Variants in ZBTB38 observed in about 807,000 individuals in gnomAD.
ZBTB38 encodes zinc finger and BTB domain-containing protein 38.
A neutral mutation model predicts 76.8 loss-of-function variants in ZBTB38; 20 were observed. That is an observed-to-expected ratio of 0.26 (90% confidence interval 0.18 to 0.38). ZBTB38 has a LOEUF of 0.38. ZBTB38 is among the 10% of genes least tolerant of loss of function. The pLI, the probability that ZBTB38 is intolerant of heterozygous loss-of-function variation, is 1.00. For missense variants in ZBTB38, 1,082 were observed against 1,482.3 expected, an observed-to-expected ratio of 0.73 and a Z score of 4.43; for synonymous variants, 504 against 544.2, an observed-to-expected ratio of 0.93 and a Z score of 1.03.
At chr3:141,367,195 G>C (rs1944001761), upstream of ZBTB38, 1 of 152,296 alleles carries the variant, frequency 6.6e-6, no homozygotes. Flanking sequence ...CAGATGGACT[G>C]ACCCTCCCAC....
At chr3:141,416,123 AC>A (rs199671140) in intron 5 of ZBTB38, among the ~76,000 whole-genome samples, 2 of 152,282 alleles carry the variant, frequency 1.3e-5, no homozygotes, top group East Asian at 1.9e-4. Context: ...AACGGGAAAG[AC>A]AGAAATAATT....
At position 141,404,001 on chromosome 3, in the gene ZBTB38, A is replaced by C. The variant is rs997033754; in HGVS notation, c.-31A>C. ...ATTTCTTCCAAAGCACAGGAATCTCACTCTGTTAAAGCTGGTCTGTTCTAA... is the reference window on the plus strand; with the variant it reads ...ATTTCTTCCAAAGCACAGGAATCTCCCTCTGTTAAAGCTGGTCTGTTCTAA... On this transcript the variant is annotated 5_prime_UTR_variant, in exon 5 of 6. Transcript: ENST00000321464. The C allele has an allele frequency of 6.6e-5, 10 of 152,054 alleles. No individual in the cohort carries two copies. Among genetic ancestry groups the C allele is most frequent in the African/African-American group, 2.4e-4 (10 of 41,382 alleles). The allele number at this position is 152,054 out of a possible 1,614,324, so 9.4% of individuals were successfully genotyped here. A position where few individuals can be genotyped will look rare whatever the true frequency, so the allele number is the denominator to read the frequency against.
chr3:141,406,799 T>C (rs879478285), intron 5 of ZBTB38, among the ~76,000 whole-genome samples: 3 of 152,086 alleles, frequency 2.0e-5, no homozygotes, highest in Admixed American at 2.0e-4. Flanking sequence ...GGGTTCCTAA[T>C]GGAGGGAGCC....
At chr3:141,325,606 C>T (rs1942649630) in intron 1 of ZBTB38, among the ~76,000 whole-genome samples, 3 of 152,092 alleles carry the variant, frequency 2.0e-5, no homozygotes, top group Admixed American at 2.0e-4. Context: ...TAAAATGTAA[C>T]CTAGGAGAAA....
rs997444139 is a variant in ZBTB38, at chr3:141,413,152, T to C, written c.-1+9121T>C. Among the ~76,000 whole-genome samples the C allele has an allele frequency of 8.5e-5, 13 of 152,192 alleles. No individual in the cohort carries two copies. The highest frequency in any genetic ancestry group is 3.1e-4 in the African/African-American group (13 of 41,456). On this transcript the variant is annotated intron_variant, in intron 5 of 5. Transcript: ENST00000321464. This position sits in a 1 kb window ranked among gnomAD's most constrained non-coding sequence, Gnocchi z 4.1. ...AAGTGTGTACGTGGACTTAAATAAA[T>C]ATCTGAGGGCCCAGGCCCATACAGA... is the stretch of plus-strand genomic sequence containing the variant.
intron 1 of ZBTB38, among the ~76,000 whole-genome samples, chr3:141,338,322 G>A (rs188787826): frequency 4.5e-4 from 69 of 152,220 alleles, no homozygotes; most frequent in African/African-American, 1.5e-3. Context: ...AATATAAATC[G>A]TTCTGCTGTA....
chr3:141,329,372 A>G (rs1244581286), intron 1 of ZBTB38, among the ~76,000 whole-genome samples: 1 of 152,134 alleles, frequency 6.6e-6, no homozygotes, highest in African/African-American at 2.4e-5. Flanking sequence ...ATCCCTTCCC[A>G]CATCCTTCTC....
At chr3:141,338,882 G>T (rs775922838) in intron 1 of ZBTB38, among the ~76,000 whole-genome samples, 1 of 152,134 alleles carries the variant, frequency 6.6e-6, no homozygotes, top group Admixed American at 6.5e-5. Flanking sequence ...ACATTCTAGT[G>T]GGGGACAGAA....
Position 141,445,343 on chromosome 3 carries a change from A to T in ZBTB38, c.2955A>T (p.Glu985Asp). The T allele has an allele frequency of 1.2e-6, 2 of 1,614,022 alleles. No individual in the cohort carries two copies. Among genetic ancestry groups the T allele is most frequent in the Non-Finnish European group, 1.7e-6 (2 of 1,180,018 alleles). ...ETKEMPKLQC[E>D]LCDGDKAVGA... ...AAGAGATGCCCAAGCTGCAGTGTGA[A>T]CTCTGTGATGGAGACAAAGCAGTGG... is the stretch of plus-strand genomic sequence containing the variant. Residue 985 changes from glutamate to aspartate, a missense_variant, in exon 6 of 6, where the codon GAA becomes GAT. By Grantham distance (45) the Glu-to-Asp change is conservative (BLOSUM62 2). Transcript: ENST00000321464. The surrounding 1 kb of genome is among the most constrained non-coding windows in gnomAD (Gnocchi z 6.5).
At chr3:141,384,487 A>C (rs1465290679) in intron 3 of ZBTB38, among the ~76,000 whole-genome samples, 1 of 152,270 alleles carries the variant, frequency 6.6e-6, no homozygotes, top group Non-Finnish European at 1.5e-5. Flanking sequence ...TCTAGCTTTC[A>C]AACGTCATTG....
chr3:141,390,738 T>C (rs1948612451), intron 4 of ZBTB38, among the ~76,000 whole-genome samples: 1 of 152,220 alleles, frequency 6.6e-6, no homozygotes, highest in African/African-American at 2.4e-5. Context: ...AACACATTTA[T>C]TGAGCATCTG....
chr3:141,332,140 C>CT (rs1280776811), intron 1 of ZBTB38, among the ~76,000 whole-genome samples: 2 of 152,124 alleles, frequency 1.3e-5, no homozygotes, highest in African/African-American at 4.8e-5. Context: ...CATCCTAATA[C>CT]TTTTTTCCTA....
chr3:141,408,776 C>T (rs1278266263), intron 5 of ZBTB38, among the ~76,000 whole-genome samples: 1 of 152,164 alleles, frequency 6.6e-6, no homozygotes, highest in African/African-American at 2.4e-5. Context: ...TATATTGAGT[C>T]ATTTTAAAAC....
intron 2 of ZBTB38, among the ~76,000 whole-genome samples, chr3:141,372,718 G>A (rs973419666): frequency 6.6e-6 from 1 of 152,036 alleles, no homozygotes; most frequent in African/African-American, 2.4e-5. Flanking sequence ...GCAGTTGAAG[G>A]AATAAGTTAA....
chr3:141,362,002 C>G (rs763301587), intron 1 of ZBTB38, among the ~76,000 whole-genome samples: 1 of 152,076 alleles, frequency 6.6e-6, no homozygotes, highest in African/African-American at 2.4e-5. Flanking sequence ...AAAATCGAAA[C>G]GAAAGTGTTA....
intron 5 of ZBTB38, among the ~76,000 whole-genome samples, chr3:141,415,139 A>C (rs1408052137): frequency 6.6e-6 from 1 of 151,712 alleles, no homozygotes; most frequent in African/African-American, 2.4e-5. Flanking sequence ...CTCCATTTAA[A>C]CCACATCTTC....
chr3:141,370,987 G>A lies in ZBTB38; in HGVS notation c.-235+1041G>A, dbSNP rs531448856. 6.0e-5 allele frequency among the ~76,000 whole-genome samples: 9 copies of A among 150,940 alleles called. No homozygotes were observed. The East Asian group carries it at 7.7e-4, about 13-fold the overall frequency. ...ACATTTGATCAGGGTGAAAATTCCC[G>A]AAGGTTAGACCTTTAAACCAAGTTA... On this transcript the variant is annotated intron_variant, in intron 2 of 5. Transcript: ENST00000321464.
chr3:141,345,269 T>A (rs1943316029), intron 1 of ZBTB38, among the ~76,000 whole-genome samples: 1 of 138,370 alleles, frequency 7.2e-6, no homozygotes, highest in South Asian at 2.2e-4. Flanking sequence ...ATGGCAGAAC[T>A]TTTTTTTTTT....
chr3:141,448,368 AAAT>A lies in ZBTB38; in HGVS notation c.*2394_*2396del, dbSNP rs2081252909. 6.6e-6 allele frequency: 1 copy of A among 152,668 alleles called. No homozygotes were observed. Among genetic ancestry groups the A allele is most frequent in the Non-Finnish European group, 1.5e-5 (1 of 68,018 alleles). 9.5% of individuals were successfully genotyped at this position (152,668 alleles called of 1,614,324 possible). On this transcript the variant is annotated 3_prime_UTR_variant, in exon 6 of 6. Coordinates refer to ENST00000321464, the MANE Select transcript of ZBTB38 (RefSeq NM_001376113.1). The stretch of plus-strand genomic sequence containing the variant: ...GGGAGGGGTGTATATTTTGATAAAA[AAAT>A]ACTTGACTTTGTAATTCTGTATATT...
Sources: allele counts gnomAD v4.1 joint callset (sites outside exome capture counted in the v4.1 genomes callset), GRCh38; gene constraint gnomAD v4.1.1; non-coding constraint Gnocchi (gnomAD v3.1); transcripts MANE v1.5; gene names NCBI Gene and HGNC (gene_info 2026-07-23, HGNC 2026-07-21).